The following POLR3E variants were observed in gnomAD, a reference collection of about 807,000 sequenced individuals.
POLR3E encodes the protein RNA polymerase III subunit E.
Under a neutral mutation model 96.6 loss-of-function variants are expected in POLR3E, and 41 were observed. The observed-to-expected ratio is 0.42, with a 90% CI of 0.33 to 0.55. POLR3E has a LOEUF of 0.55. POLR3E is among the 20% of genes least tolerant of loss of function. POLR3E has a pLI of 0.06. For synonymous variants in POLR3E, 396 were observed against 383.6 expected (o/e 1.03, Z -0.38); for missense variants, 849 against 952.1 (o/e 0.89, Z 1.43).
chr16:22,319,930 C>G (rs1257649778), intron 13 of POLR3E, among the ~76,000 whole-genome samples: 2 of 152,090 alleles, frequency 1.3e-5, no homozygotes, highest in African/African-American at 2.4e-5. Context: ...CTTTGTCCTG[C>G]CTACATTGGA....
Position 22,332,044 on chromosome 16 carries a change from G to GT in POLR3E, c.1945-11dup. The GT allele has an allele frequency of 6.2e-7, 1 of 1,612,102 alleles. No homozygotes were observed. Among genetic ancestry groups the GT allele is most frequent in the African/African-American group, 1.3e-5 (1 of 74,816 alleles). ...AGATCACTGTTTCCCATCATAACGT[G>GT]TTTTTGCTACTAAAGCATCGACAGG... On this transcript the variant is annotated splice_polypyrimidine_tract_variant and intron_variant, in intron 19 of 20. Transcript: ENST00000299853.
Position 22,318,831 on chromosome 16 carries a change from G to A in POLR3E, c.871G>A (p.Val291Ile). The A allele has an allele frequency of 6.2e-7, 1 of 1,613,048 alleles. No homozygotes were observed. Residue 291 changes from valine to isoleucine, a missense_variant, in exon 13 of 21, where the codon GTC becomes ATC. Coordinates refer to ENST00000299853, the MANE Select transcript of POLR3E (RefSeq NM_018119.4). This position sits in a 1 kb window ranked among gnomAD's most constrained non-coding sequence, Gnocchi z 5.0. ...QIKILMKNVK[V>I]MPFANLMSLL... Reference sequence around the variant, plus strand: ...GTCTCCTGCGTCCTCCTCAGTGAAGGTCATGCCTTTTGCCAACTTGATGAG... The same window carrying A: ...GTCTCCTGCGTCCTCCTCAGTGAAGATCATGCCTTTTGCCAACTTGATGAG...
chr16:22,320,840 G>T (rs1350193374), intron 13 of POLR3E, among the ~76,000 whole-genome samples: 1 of 152,102 alleles, frequency 6.6e-6, no homozygotes, highest in East Asian at 1.9e-4. Context: ...CTTTCCACGC[G>T]TTGATATGAT....
chr16:22,324,757 C>G, intron 16 of POLR3E, 97 bp downstream of exon 16: 1 of 1,354,396 alleles, frequency 7.4e-7, no homozygotes, highest in East Asian at 2.3e-5. Flanking sequence ...TCTCTAGAAA[C>G]CCCACATCTG....
In POLR3E at chr16:22,318,717, T is replaced by C. The variant is rs2926362; in HGVS notation, c.866-109T>C. On this transcript the variant is annotated intron_variant, in intron 12 of 20. Coordinates refer to ENST00000299853, the MANE Select transcript of POLR3E (RefSeq NM_018119.4). The surrounding 1 kb of genome is among the most constrained non-coding windows in gnomAD (Gnocchi z 5.0). ...TGATGGGTGTCATTACTGTTAGTTA[T>C]CACATTCTGGGGTTATTACATGAAC... 711,042 of 1,178,500 alleles carry C rather than the reference T, an allele frequency of 0.6. 232,159 individuals carry two copies. Among genetic ancestry groups the C allele is most frequent in the Non-Finnish European group, 0.68 (563,682 of 827,954 alleles). 73.0% of individuals were successfully genotyped at this position (1,178,500 alleles called of 1,614,324 possible). A position where few individuals can be genotyped will look rare whatever the true frequency, so the allele number is the denominator to read the frequency against.
At position 22,331,949 on chromosome 16, in the gene POLR3E, T is replaced by C. The variant is rs1294951650; in HGVS notation, c.1945-111T>C. On this transcript the variant is annotated intron_variant, in intron 19 of 20. Coordinates refer to ENST00000299853, the MANE Select transcript of POLR3E (RefSeq NM_018119.4). Reference sequence around the variant, plus strand: ...TAACCAGAGGTGCTGCGTGAGGGTTTTTATCAGAGACTGCAACACAAAGTC... The same window carrying C: ...TAACCAGAGGTGCTGCGTGAGGGTTCTTATCAGAGACTGCAACACAAAGTC... The C allele has an allele frequency of 2.4e-5, 27 of 1,111,108 alleles. No homozygotes were observed. In the Middle Eastern group the frequency reaches 6.1e-4, roughly 25 times the overall value. 68.8% of individuals were successfully genotyped at this position (1,111,108 alleles called of 1,614,324 possible).
intron 6 of POLR3E, 106 bp downstream of exon 6, chr16:22,309,616 T>TAG: frequency 1.2e-6 from 1 of 840,066 alleles, no homozygotes; most frequent in South Asian, 1.3e-5. Context: ...CCCTGAAAGC[T>TAG]AGACACCTGT....
At chr16:22,324,436 G>C (rs750411721) in intron 15 of POLR3E, 23 bp downstream of exon 15, 3 of 1,611,474 alleles carry the variant, frequency 1.9e-6, no homozygotes, top group Non-Finnish European at 2.5e-6. Context: ...TTTGTGGTCT[G>C]AGGCCCAGGC....
At chr16:22,298,581 G>C (rs1179825118) in intron 1 of POLR3E, among the ~76,000 whole-genome samples, 2 of 152,146 alleles carry the variant, frequency 1.3e-5, no homozygotes, top group Non-Finnish European at 2.9e-5. Flanking sequence ...GCACAGTTTT[G>C]TTCTCGGGTC....
In POLR3E at chr16:22,333,924, T is replaced by G; in HGVS notation, c.*224T>G. 1 of 442,862 alleles carries G rather than the reference T, an allele frequency of 2.3e-6. No homozygotes were observed. The highest frequency in any genetic ancestry group is 3.2e-5 in the East Asian group (1 of 31,386). The allele number at this position is 442,862 out of a possible 1,614,324, so 27.4% of individuals were successfully genotyped here. A position where few individuals can be genotyped will look rare whatever the true frequency, so the allele number is the denominator to read the frequency against. ...TCCCAGAAGAGACCAGCTGGGACCT[T>G]CTTTGCAGTACAATTTGAAATTCCT... On this transcript the variant is annotated 3_prime_UTR_variant, in exon 21 of 21. Transcript: ENST00000299853.
chr16:22,325,613 C>A, intron 17 of POLR3E, 148 bp from the exon 18 acceptor site: 2 of 951,262 alleles, frequency 2.1e-6, no homozygotes, highest in Non-Finnish European at 1.5e-6. Context: ...GGACGGTTCT[C>A]TCTTCCACTG....
Position 22,308,189 on chromosome 16 carries a change from G to A in POLR3E, c.129G>A (p.Pro43=), listed in dbSNP as rs749868645. 16 of 1,613,554 alleles carry A rather than the reference G, an allele frequency of 9.9e-6. No individual in the cohort carries two copies. Among genetic ancestry groups the A allele is most frequent in the African/African-American group, 2.7e-5 (2 of 74,892 alleles). Residue 43 remains proline, a synonymous_variant, in exon 4 of 21, where the codon CCG becomes CCA. Coordinates refer to ENST00000299853, the MANE Select transcript of POLR3E (RefSeq NM_018119.4). ...CCTCGATGACCTACGATGACATTCC[G>A]CACCTCTCAGCCAAGATCAAGCCCA... ...RPASMTYDDI[P]HLSAKIKPKQ...
chr16:22,306,058 G>A (rs1251289550), intron 3 of POLR3E, among the ~76,000 whole-genome samples: 1 of 151,992 alleles, frequency 6.6e-6, no homozygotes, highest in Non-Finnish European at 1.5e-5. Flanking sequence ...CGATCAGTCT[G>A]TGCCCCCCAT....
At chr16:22,298,618 G>C (rs553286605) in intron 1 of POLR3E, among the ~76,000 whole-genome samples, 2 of 152,114 alleles carry the variant, frequency 1.3e-5, no homozygotes. Context: ...TAACCATACT[G>C]CCGTTTATCA....
chr16:22,310,556 G>A (rs1361333781), intron 6 of POLR3E, among the ~76,000 whole-genome samples: 1 of 151,526 alleles, frequency 6.6e-6, no homozygotes, highest in Non-Finnish European at 1.5e-5. Flanking sequence ...CAAAGTGCTG[G>A]GATTACAGGT....
intron 4 of POLR3E, 113 bp from the exon 5 acceptor site, chr16:22,308,812 C>A: frequency 1.5e-6 from 1 of 660,430 alleles, no homozygotes; most frequent in South Asian, 1.9e-5. Flanking sequence ...ATGTGTCAGT[C>A]TCGCTTCCGG....
At chr16:22,307,101 T>C (rs2048149230) in intron 3 of POLR3E, among the ~76,000 whole-genome samples, 1 of 152,216 alleles carries the variant, frequency 6.6e-6, no homozygotes, top group Non-Finnish European at 1.5e-5. Context: ...CCATCGGCTC[T>C]GTTTGCCTCC....
At chr16:22,316,533 T>C in intron 9 of POLR3E, 68 bp from the exon 10 acceptor site, 4 of 1,278,500 alleles carry the variant, frequency 3.1e-6, no homozygotes, top group Non-Finnish European at 4.5e-6. Flanking sequence ...ACGGGAGGCC[T>C]TGGGGGAGGG....
At position 22,324,488 on chromosome 16, in the gene POLR3E, C is replaced by T. The variant is rs772561833; in HGVS notation, c.1129-15C>T. On this transcript the variant is annotated splice_polypyrimidine_tract_variant and intron_variant, in intron 15 of 20. Coordinates refer to ENST00000299853, the MANE Select transcript of POLR3E (RefSeq NM_018119.4). ...GGGGCTGGCTGTGCCTCACGCTGGGCCCCCTCCCCTCCAGCTCTGCGCCGA... is the reference window on the plus strand; with the variant it reads ...GGGGCTGGCTGTGCCTCACGCTGGGTCCCCTCCCCTCCAGCTCTGCGCCGA... 8 of 1,610,444 alleles carry T rather than the reference C, an allele frequency of 5.0e-6. No homozygotes were observed. The South Asian group carries it at 7.7e-5, about 15-fold the overall frequency.
Sources: gnomAD v4.1 joint callset for allele counts (sites outside exome capture counted in the v4.1 genomes callset) on GRCh38, gnomAD v4.1.1 for gene constraint, Gnocchi (gnomAD v3.1) non-coding constraint, MANE v1.5 for transcripts, NCBI Gene and HGNC (gene_info 2026-07-23, HGNC 2026-07-21) for gene names.